Variants in SCYL2 observed in about 807,000 individuals in gnomAD.
The protein encoded by SCYL2 is SCY1-like protein 2.
A neutral mutation model predicts 100.4 loss-of-function variants in SCYL2; 36 were observed. The observed-to-expected ratio is 0.36, with a 90% CI of 0.27 to 0.47. The LOEUF (loss-of-function observed/expected upper bound fraction) is 0.47. Ranked by LOEUF, SCYL2 falls within the 20% of genes least tolerant of loss-of-function variation. The pLI, the probability that SCYL2 is intolerant of heterozygous loss-of-function variation, is 1.00. For synonymous variants in SCYL2, 330 were observed against 359.2 expected, an observed-to-expected ratio of 0.92 and a Z score of 0.92; for missense variants, 902 against 1,083.9, an observed-to-expected ratio of 0.83 and a Z score of 2.36.
intron 1 of SCYL2, among the ~76,000 whole-genome samples, chr12:100,270,803 C>T (rs2096286818): frequency 6.6e-6 from 1 of 151,812 alleles, no homozygotes; most frequent in Non-Finnish European, 1.5e-5. Context: ...TCTTATTGTA[C>T]AGTGGTCTTA....
chr12:100,337,528 G>A (rs1445534516), intron 17 of SCYL2, 22 bp downstream of exon 17: 1 of 1,611,596 alleles, frequency 6.2e-7, no homozygotes, highest in South Asian at 1.1e-5. Context: ...TTTCTTTTGT[G>A]TAATTTCCAG....
intron 1 of SCYL2, among the ~76,000 whole-genome samples, chr12:100,270,980 T>C (rs999083167): frequency 6.6e-6 from 1 of 152,094 alleles, no homozygotes; most frequent in African/African-American, 2.4e-5. Context: ...ATCAGGCTTG[T>C]CTTCTGTAAT....
chr12:100,313,224 A>G (rs1160799535), intron 6 of SCYL2, among the ~76,000 whole-genome samples, 198 bp from the exon 7 acceptor site: 6 of 152,226 alleles, frequency 3.9e-5, no homozygotes, highest in Non-Finnish European at 7.3e-5. Context: ...ATACTGGAAC[A>G]TTTTACTGTA....
rs2096300717 is a variant in SCYL2 at position 100,283,153 on chromosome 12, T to A, written c.177+6T>A. 3.8e-6 allele frequency: 6 copies of A among 1,584,926 alleles called. No homozygotes were observed. Among genetic ancestry groups the A allele is most frequent in the Middle Eastern group, 3.4e-4 (2 of 5,922 alleles). ...CAAAAAAGTCAACAAAGCAGGTGAG[T>A]TTTAATTCAGCATCCACTTGGAAAA... On this transcript the variant is annotated splice_donor_region_variant and intron_variant, in intron 2 of 17. Coordinates refer to ENST00000360820, the MANE Select transcript of SCYL2 (RefSeq NM_017988.6).
rs7968030 is a variant in SCYL2, at chr12:100,315,535, T to A, written c.1096-23T>A. ...CCTTTAATAAATTTTATTTTTTTTTTAAAAAACATTTTTGCCTTTCAGCGT... is the reference window on the plus strand; with the variant it reads ...CCTTTAATAAATTTTATTTTTTTTTAAAAAAACATTTTTGCCTTTCAGCGT... On this transcript the variant is annotated intron_variant, in intron 8 of 17. Coordinates refer to ENST00000360820, the MANE Select transcript of SCYL2 (RefSeq NM_017988.6). 399,606 of 1,536,542 alleles carry A rather than the reference T, an allele frequency of 0.26. 54,238 individuals carry two copies. The highest frequency in any genetic ancestry group is 0.28 in the Admixed American group (13,693 of 48,650).
chr12:100,308,168 A>C (rs900814094), intron 4 of SCYL2, among the ~76,000 whole-genome samples: 3 of 152,166 alleles, frequency 2.0e-5, no homozygotes, highest in African/African-American at 7.2e-5. Context: ...AAATGATTCT[A>C]CTATAAAGAC....
At chr12:100,295,911 A>T (rs551798347) in intron 3 of SCYL2, among the ~76,000 whole-genome samples, 1 of 152,314 alleles carries the variant, frequency 6.6e-6, no homozygotes, top group South Asian at 2.1e-4. Flanking sequence ...TCCATGGAGC[A>T]GATGCCGGGC....
intron 11 of SCYL2, among the ~76,000 whole-genome samples, chr12:100,324,001 A>G (rs1219001029): frequency 6.6e-6 from 1 of 152,140 alleles, no homozygotes; most frequent in Non-Finnish European, 1.5e-5. Flanking sequence ...TCCTTTTATA[A>G]ATAGCCTTTA....
chr12:100,274,693 G>GT (rs1482837366), intron 1 of SCYL2, among the ~76,000 whole-genome samples: 1 of 152,162 alleles, frequency 6.6e-6, no homozygotes, highest in Non-Finnish European at 1.5e-5. Flanking sequence ...GAAATACTTT[G>GT]TTTTAGTCAA....
intron 3 of SCYL2, 34 bp downstream of exon 3, chr12:100,291,694 C>A (rs2096310873): frequency 7.9e-6 from 12 of 1,524,500 alleles, no homozygotes; most frequent in African/African-American, 1.4e-5. Flanking sequence ...TAGTAGACTT[C>A]CTGAACAAAT....
intron 1 of SCYL2, among the ~76,000 whole-genome samples, chr12:100,281,019 G>GTTTTTTTTTTTTTTTT (rs202048587): frequency 1.8e-4 from 9 of 50,492 alleles, no homozygotes; most frequent in African/African-American, 6.2e-4. Context: ...TACCATCAGT[G>GTTTTTTTTTTTTTTTT]TTTTTTTTTT....
At position 100,294,554 on chromosome 12, in the gene SCYL2, C is replaced by A. The variant is rs528842729; in HGVS notation, c.335+2894C>A. Among the ~76,000 whole-genome samples, 4 of 136,288 alleles carry A rather than the reference C, an allele frequency of 2.9e-5. No individual in the cohort carries two copies. In the South Asian group the frequency reaches 9.9e-4, roughly 34 times the overall value. The allele number at this position is 136,288 out of a possible 152,430, so 89.4% of individuals were successfully genotyped here. On this transcript the variant is annotated intron_variant, in intron 3 of 17. Coordinates refer to ENST00000360820, the MANE Select transcript of SCYL2 (RefSeq NM_017988.6). ...TCCCCCACCTCCCTCCCAGACCGGG[C>A]GGCTGGCCGGGCGGGGGCTGACCCC...
At chr12:100,324,684 T>G (rs2096359803) in intron 11 of SCYL2, among the ~76,000 whole-genome samples, 1 of 152,180 alleles carries the variant, frequency 6.6e-6, no homozygotes, top group Admixed American at 6.5e-5. Flanking sequence ...CAAGTTTTAG[T>G]TCTTATTCTC....
chr12:100,327,936 A>G (rs990451335), intron 12 of SCYL2, among the ~76,000 whole-genome samples: 24 of 152,162 alleles, frequency 1.6e-4, no homozygotes, highest in Non-Finnish European at 1.9e-4. Flanking sequence ...CTCTATAGAC[A>G]TGGAAGGTAC....
At chr12:100,271,110 C>T (rs1054972607) in intron 1 of SCYL2, among the ~76,000 whole-genome samples, 2 of 151,846 alleles carry the variant, frequency 1.3e-5, no homozygotes, top group African/African-American at 4.8e-5. Context: ...CTGTATAGAA[C>T]AAAGAAGAGC....
At chr12:100,275,224 CA>C (rs2096291343) in intron 1 of SCYL2, among the ~76,000 whole-genome samples, 1 of 149,986 alleles carries the variant, frequency 6.7e-6, no homozygotes, top group Non-Finnish European at 1.5e-5. Context: ...TTTTTTGAGA[CA>C]GGGTCTCACC....
At position 100,298,113 on chromosome 12, in the gene SCYL2, A is replaced by G. The variant is rs568840397; in HGVS notation, c.418A>G (p.Ile140Val). ...TAACTGGGAAAATCTACCTTCCCCTATATCTCCAGACATTAAGGATTATAA... is the reference window on the plus strand; with the variant it reads ...TAACTGGGAAAATCTACCTTCCCCTGTATCTCCAGACATTAAGGATTATAA... ...LGNWENLPSPISPDIKDYKLY... is the reference protein window; with the variant it reads ...LGNWENLPSPVSPDIKDYKLY... Residue 140 changes from isoleucine to valine, a missense_variant, in exon 4 of 18, where the codon ATA becomes GTA. Transcript: ENST00000360820. The G allele has an allele frequency of 4.4e-5, 71 of 1,607,124 alleles. 1 individual carries two copies. Among genetic ancestry groups the G allele is most frequent in the South Asian group, 3.8e-4 (34 of 90,576 alleles).
At chr12:100,334,638 A>AT (rs1047244619) in intron 14 of SCYL2, among the ~76,000 whole-genome samples, 8 of 151,338 alleles carry the variant, frequency 5.3e-5, no homozygotes, top group South Asian at 2.1e-4. Context: ...TAGTGTTTTG[A>AT]TTTTTTTTTC....
chr12:100,286,325 C>G (rs912181737), intron 2 of SCYL2, among the ~76,000 whole-genome samples: 2 of 152,028 alleles, frequency 1.3e-5, no homozygotes, highest in South Asian at 4.1e-4. Context: ...TTATTAAGCA[C>G]TTCTGTTTAG....
Sources: gnomAD v4.1 joint callset for allele counts (sites outside exome capture counted in the v4.1 genomes callset) on GRCh38, gnomAD v4.1.1 for gene constraint, MANE v1.5 for transcripts, NCBI Gene and HGNC (gene_info 2026-07-23, HGNC 2026-07-21) for gene names.